The following RIN2 variants were observed in gnomAD, a reference collection of about 807,000 sequenced individuals.
RIN2 encodes the protein RAB5 interacting protein 2.
A neutral mutation model predicts 78.0 loss-of-function variants in RIN2; 36 were observed. The ratio of observed to expected loss-of-function variants is 0.46; its 90% confidence interval spans 0.35 to 0.61. RIN2 has a LOEUF of 0.61. Ranked by LOEUF, RIN2 falls within the 20% of genes least tolerant of loss-of-function variation. RIN2 has a pLI of 0.00. For missense variants in RIN2, 1,087 were observed against 1,159.7 expected (o/e 0.94, Z 0.91); for synonymous variants, 466 against 466.8 (o/e 1.00, Z 0.02).
chr20:19,785,788 A>G (rs1025610119), intron 1 of RIN2, among the ~76,000 whole-genome samples: 2 of 152,240 alleles, frequency 1.3e-5, no homozygotes, highest in Non-Finnish European at 2.9e-5. Flanking sequence ...TAATATGTCA[A>G]ACTTTCAGAG....
intron 2 of RIN2, among the ~76,000 whole-genome samples, chr20:19,840,822 T>G (rs1035663639): frequency 1.3e-5 from 2 of 152,318 alleles, no homozygotes; most frequent in Middle Eastern, 3.4e-3. Flanking sequence ...CCAGAGCAAT[T>G]GATGAACAAA....
intron 4 of RIN2, among the ~76,000 whole-genome samples, chr20:19,945,963 T>A (rs572437136): frequency 2.7e-4 from 41 of 152,316 alleles, no homozygotes; most frequent in African/African-American, 9.6e-4. Flanking sequence ...CTCCTGAGGC[T>A]GGAGCTGAGC....
intron 2 of RIN2, among the ~76,000 whole-genome samples, chr20:19,818,589 G>C (rs1056785559): frequency 1.3e-5 from 2 of 151,936 alleles, no homozygotes. Flanking sequence ...AAAATTAGTC[G>C]GGCATGGTGG....
At chr20:19,912,970 G>T (rs1035853702) in intron 3 of RIN2, among the ~76,000 whole-genome samples, 4 of 152,202 alleles carry the variant, frequency 2.6e-5, no homozygotes, top group Non-Finnish European at 5.9e-5. Flanking sequence ...CAGTCCATGC[G>T]CATGGGTCCA....
intron 5 of RIN2, among the ~76,000 whole-genome samples, chr20:19,958,991 C>T (rs758693223): frequency 6.6e-6 from 1 of 152,168 alleles, no homozygotes; most frequent in Non-Finnish European, 1.5e-5. Context: ...TTGGGGTGCC[C>T]ATCCTTAATT....
intron 3 of RIN2, among the ~76,000 whole-genome samples, chr20:19,892,212 TAA>T (rs2038500399): frequency 6.6e-6 from 1 of 152,170 alleles, no homozygotes; most frequent in Non-Finnish European, 1.5e-5. Flanking sequence ...TTTAATTCAT[TAA>T]TTAATTAATT....
At chr20:19,894,883 C>T (rs1050305088) in intron 3 of RIN2, among the ~76,000 whole-genome samples, 3 of 152,142 alleles carry the variant, frequency 2.0e-5, no homozygotes, top group African/African-American at 7.2e-5. Flanking sequence ...ACCCTGGCTC[C>T]TTGCTGGGCA....
chr20:19,923,455 A>AAAATAAAAT (rs1198989533), intron 3 of RIN2, among the ~76,000 whole-genome samples: 3 of 129,586 alleles, frequency 2.3e-5, no homozygotes, highest in African/African-American at 1.0e-4. Flanking sequence ...AAAATAAAAT[A>AAAATAAAAT]AAATAAAATA....
At chr20:19,948,179 G>T (rs1048808806) in intron 4 of RIN2, among the ~76,000 whole-genome samples, 1 of 149,770 alleles carries the variant, frequency 6.7e-6, no homozygotes, top group Non-Finnish European at 1.5e-5. Flanking sequence ...AGACACAGCT[G>T]CTCGCACAGA....
intron 3 of RIN2, among the ~76,000 whole-genome samples, chr20:19,924,525 G>A (rs113632307): frequency 8.5e-3 from 10 of 1,174 alleles, no homozygotes; most frequent in Middle Eastern, 0.25. Context: ...TCCCACCTTC[G>A]TTCCCGACCT....
intron 3 of RIN2, among the ~76,000 whole-genome samples, chr20:19,913,608 G>A (rs2123744253): frequency 6.6e-6 from 1 of 151,868 alleles, no homozygotes; most frequent in South Asian, 2.1e-4. Flanking sequence ...TCAACCCCTG[G>A]TAACTACCCT....
At chr20:19,920,958 C>A (rs897970957) in intron 3 of RIN2, among the ~76,000 whole-genome samples, 2 of 152,098 alleles carry the variant, frequency 1.3e-5, no homozygotes, top group African/African-American at 4.8e-5. Context: ...GAGGCGTGAG[C>A]CGCCATGCCC....
At chr20:19,982,136 T>G (rs1337875255) in intron 9 of RIN2, among the ~76,000 whole-genome samples, 1 of 152,156 alleles carries the variant, frequency 6.6e-6, no homozygotes, top group African/African-American at 2.4e-5. Context: ...TGACTCTATG[T>G]CAGGGCGGAG....
intron 3 of RIN2, among the ~76,000 whole-genome samples, chr20:19,929,560 T>G (rs1452026141): frequency 6.6e-6 from 1 of 152,000 alleles, no homozygotes; most frequent in East Asian, 1.9e-4. Context: ...TGGGATTTTA[T>G]CATGTTGGCG....
intron 2 of RIN2, among the ~76,000 whole-genome samples, chr20:19,844,341 C>T (rs555610510): frequency 6.6e-6 from 1 of 152,266 alleles, no homozygotes; most frequent in Admixed American, 6.5e-5. Context: ...TGAAACCACT[C>T]GAATATAAAC....
intron 1 of RIN2, among the ~76,000 whole-genome samples, chr20:19,776,911 C>G (rs6035436): frequency 0.089 from 13,613 of 152,190 alleles, 611 homozygotes; most frequent in South Asian, 0.12. Flanking sequence ...CAAGCTGTAG[C>G]CTGACACCTT....
chr20:19,829,327 G>T (rs1404217980), intron 2 of RIN2, among the ~76,000 whole-genome samples: 1 of 152,050 alleles, frequency 6.6e-6, no homozygotes, highest in Non-Finnish European at 1.5e-5. Flanking sequence ...TAGGACTTTG[G>T]GGGCATGATA....
chr20:19,837,562 A>G (rs1179299286), intron 2 of RIN2, among the ~76,000 whole-genome samples: 2 of 152,164 alleles, frequency 1.3e-5, no homozygotes, highest in African/African-American at 4.8e-5. Flanking sequence ...TTGGGATACT[A>G]GAGTTTTTAT....
chr20:19,759,347 A>C (rs1419224793), intron 1 of RIN2, among the ~76,000 whole-genome samples: 1 of 152,132 alleles, frequency 6.6e-6, no homozygotes, highest in African/African-American at 2.4e-5. Flanking sequence ...GTAAGGAAAC[A>C]TCAGAGTACT....
Sources: allele counts gnomAD v4.1 joint callset (sites outside exome capture counted in the v4.1 genomes callset), GRCh38; gene constraint gnomAD v4.1.1; transcripts MANE v1.5; gene names NCBI Gene and HGNC (gene_info 2026-07-23, HGNC 2026-07-21).